The following ZNF462 variants were observed in gnomAD, a reference collection of about 807,000 sequenced individuals.
ZNF462 encodes the protein zinc finger protein 462.
Under a neutral mutation model 201.9 loss-of-function variants are expected in ZNF462, and 10 were observed. The ratio of observed to expected loss-of-function variants is 0.05; its 90% confidence interval spans 0.03 to 0.08. The LOEUF (loss-of-function observed/expected upper bound fraction) is 0.08. Among genes scored for constraint, ZNF462 ranks in the 10% least tolerant of loss-of-function variants. The pLI, the probability that ZNF462 is intolerant of heterozygous loss-of-function variation, is 1.00. For synonymous variants in ZNF462, 1,227 were observed against 1,193.3 expected (o/e 1.03, Z -0.58); for missense variants, 2,523 against 3,168.3 (o/e 0.80, Z 4.89).
Position 107,010,008 on chromosome 9 carries a change from T to C in ZNF462, c.7313+340T>C, listed in dbSNP as rs1822911531. ...TAGAACGTGAATCGAGGTCAAAAGA[T>C]CTGGCTTCTGTTCCTGCCTCTCTGA... On this transcript the variant is annotated intron_variant, in intron 12 of 12. Coordinates refer to ENST00000277225, the MANE Select transcript of ZNF462 (RefSeq NM_021224.6). This position sits in a 1 kb window ranked among gnomAD's most constrained non-coding sequence, Gnocchi z 4.6. Among the ~76,000 whole-genome samples, 3 of 152,294 alleles carry C rather than the reference T, an allele frequency of 2.0e-5. No homozygotes were observed. The highest frequency in any genetic ancestry group is 4.2e-4 in the South Asian group (2 of 4,818).
At position 106,929,682 on chromosome 9, in the gene ZNF462, C is replaced by T. The variant is rs1002618193; in HGVS notation, c.5770C>T (p.Arg1924Cys). ...HNEEFQKRAK[R>C]QERRKQLLSK... The stretch of plus-strand genomic sequence containing the variant: ...TGAGGAATTCCAGAAGCGTGCCAAA[C>T]GTCAGGAGAGGAGGAAACAGCTTTT... Residue 1924 changes from arginine (R) to cysteine (C), a missense_variant, in exon 3 of 13, where the codon CGT (arginine) becomes TGT (cysteine). Around this residue, in one of 15 missense-constraint regions of ZNF462, gnomAD observed 107 missense variants for 187.7 expected, o/e 0.57. Coordinates refer to ENST00000277225, the MANE Select transcript of ZNF462 (RefSeq NM_021224.6). The surrounding 1 kb of genome is among the most constrained non-coding windows in gnomAD (Gnocchi z 8.7). 3.7e-6 allele frequency: 6 copies of T among 1,613,992 alleles called. No homozygotes were observed. Among genetic ancestry groups the T allele is most frequent in the Non-Finnish European group, 5.1e-6 (6 of 1,180,040 alleles).
Position 106,928,223 on chromosome 9 carries a change from C to A in ZNF462, c.4311C>A (p.Phe1437Leu). 6.2e-7 allele frequency: 1 copy of A among 1,614,126 alleles called. No individual in the cohort carries two copies. The highest frequency in any genetic ancestry group is 8.5e-7 in the Non-Finnish European group (1 of 1,180,012). ...GTGAAAACAGTATACCCACCCCTTT[C>A]CCGGAGCAGGAAGCTGAATGTCCAG... is the stretch of plus-strand genomic sequence containing the variant. The part of the protein sequence containing the change: ...VNCENSIPTP[F>L]PEQEAECPED... Residue 1437 changes from phenylalanine to leucine, a missense_variant, in exon 3 of 13, where the codon TTC becomes TTA. Coordinates refer to ENST00000277225, the MANE Select transcript of ZNF462 (RefSeq NM_021224.6). The surrounding 1 kb of genome is among the most constrained non-coding windows in gnomAD (Gnocchi z 9.3).
Position 106,925,994 on chromosome 9 carries a change from C to G in ZNF462, c.2082C>G (p.Thr694=). 6.2e-7 allele frequency: 1 copy of G among 1,614,154 alleles called. No homozygotes were observed. The highest frequency in any genetic ancestry group is 1.7e-5 in the Admixed American group (1 of 60,014). The change falls in exon 3 of 13, where the codon ACC becomes ACG. Residue 694 remains threonine (T), a synonymous_variant. Transcript: ENST00000277225. This position sits in a 1 kb window ranked among gnomAD's most constrained non-coding sequence, Gnocchi z 7.9. ...ATTTGTCACCCGTGAAGAAGAGAAC[C>G]AGGATTGACGAGATAGCAAGCAACC... ...PLDLSPVKKR[T]RIDEIASNLQ...
At chr9:106,889,559 T>C (rs1025672752) in intron 1 of ZNF462, among the ~76,000 whole-genome samples, 1 of 152,218 alleles carries the variant, frequency 6.6e-6, no homozygotes, top group Non-Finnish European at 1.5e-5. Context: ...TTTCCTTGGT[T>C]AGTTGAAAAG....
In ZNF462 at chr9:106,955,076, G is replaced by A. The variant is rs1008559396; in HGVS notation, c.6427+15969G>A. Among the ~76,000 whole-genome samples, 22 of 152,158 alleles carry A rather than the reference G, an allele frequency of 1.4e-4. No homozygotes were observed. The East Asian group carries it at 4.3e-3, about 29-fold the overall frequency. On this transcript the variant is annotated intron_variant, in intron 7 of 12. Coordinates refer to ENST00000277225, the MANE Select transcript of ZNF462 (RefSeq NM_021224.6). ...ACTAACAACAGATAATGGACTCATG[G>A]GCATTTGTTTGATTGTTTGAGCACT...
At chr9:106,903,224 T>A (rs1015857571) in intron 1 of ZNF462, among the ~76,000 whole-genome samples, 6 of 152,182 alleles carry the variant, frequency 3.9e-5, no homozygotes, top group Non-Finnish European at 8.8e-5. Flanking sequence ...TTTCCATGTA[T>A]TTTCATGGTT....
intron 1 of ZNF462, among the ~76,000 whole-genome samples, chr9:106,864,101 T>TCTCTCTCTCC (rs1827209222): frequency 1.8e-5 from 2 of 110,234 alleles, no homozygotes; most frequent in Non-Finnish European, 3.8e-5. Flanking sequence ...TCTCTCTCTC[T>TCTCTCTCTCC]CTCTCTCTCC....
intron 1 of ZNF462, among the ~76,000 whole-genome samples, chr9:106,888,739 C>T (rs917999282): frequency 1.3e-5 from 2 of 152,152 alleles, no homozygotes; most frequent in African/African-American, 4.8e-5. Flanking sequence ...TCCTGGTGTT[C>T]AAAAGTGTTG....
At chr9:106,986,989 A>T (rs552317845) in intron 10 of ZNF462, among the ~76,000 whole-genome samples, 1 of 128,798 alleles carries the variant, frequency 7.8e-6, no homozygotes, top group Non-Finnish European at 1.7e-5. Context: ...AGATAGATAG[A>T]TAGATAGATA....
intron 1 of ZNF462, among the ~76,000 whole-genome samples, chr9:106,866,237 T>C (rs1827324135): frequency 6.6e-6 from 1 of 152,274 alleles, no homozygotes; most frequent in Non-Finnish European, 1.5e-5. Flanking sequence ...TTTCTCATTA[T>C]GTGTCAGATT....
intron 7 of ZNF462, among the ~76,000 whole-genome samples, chr9:106,957,349 A>G (rs1270070137): frequency 6.6e-6 from 1 of 152,146 alleles, no homozygotes; most frequent in Non-Finnish European, 1.5e-5. Flanking sequence ...TGCATCTTAC[A>G]TAGGCATGGT....
chr9:107,003,323 G>A lies in ZNF462; in HGVS notation c.7086G>A (p.Arg2362=). The change falls in exon 11 of 13, where the codon CGG becomes CGA. Residue 2362 remains arginine (R), a synonymous_variant. Transcript: ENST00000277225. This position sits in a 1 kb window ranked among gnomAD's most constrained non-coding sequence, Gnocchi z 4.4. ...KVSRNFELVG[R]VNLDQLEQMK... is the part of the protein sequence containing the mutation. ...GCCGTAACTTTGAGCTGGTTGGACG[G>A]GTTAACTTGGATCAGCTGGAACAGA... The A allele has an allele frequency of 6.2e-7, 1 of 1,613,830 alleles. No individual in the cohort carries two copies. Among genetic ancestry groups the A allele is most frequent in the East Asian group, 2.2e-5 (1 of 44,870 alleles).
rs1409223377 is a variant in ZNF462 at position 106,935,254 on chromosome 9, C to A, written c.6117-249C>A. Among the ~76,000 whole-genome samples the A allele has an allele frequency of 6.6e-6, 1 of 151,998 alleles. No individual in the cohort carries two copies. The highest frequency in any genetic ancestry group is 2.4e-5 in the African/African-American group (1 of 41,292). On this transcript the variant is annotated intron_variant, in intron 5 of 12. Coordinates refer to ENST00000277225, the MANE Select transcript of ZNF462 (RefSeq NM_021224.6). The surrounding 1 kb of genome is among the most constrained non-coding windows in gnomAD (Gnocchi z 4.1). ...GGGACAATAAAGATTCTTACCATGA[C>A]CTGTTACCACTGCCATATCTCTAAA...
chr9:106,974,397 A>G lies in ZNF462; in HGVS notation c.6832+124A>G, dbSNP rs767147611. ...CTTGTTCCTCACCTTATCTTCAGGC[A>G]AGAAACCACAGTGATAACCACAGTG... On this transcript the variant is annotated intron_variant, in intron 9 of 12. Coordinates refer to ENST00000277225, the MANE Select transcript of ZNF462 (RefSeq NM_021224.6). The surrounding 1 kb of genome is among the most constrained non-coding windows in gnomAD (Gnocchi z 4.0). The G allele has an allele frequency of 4.2e-6, 6 of 1,442,988 alleles. No individual in the cohort carries two copies. The African/African-American group carries it at 8.4e-5, about 20-fold the overall frequency. The allele number at this position is 1,442,988 out of a possible 1,614,324, so 89.4% of individuals were successfully genotyped here. A position where few individuals can be genotyped will look rare whatever the true frequency, so the allele number is the denominator to read the frequency against.
chr9:106,872,615 G>A lies in ZNF462; in HGVS notation c.-31+9260G>A, dbSNP rs1439380435. Reference sequence around the variant, plus strand: ...TGAGCTCAGGCAATCTGCCTGCCTCGGCCTTCCAAAGTGCTACGACTACAG... The same window carrying A: ...TGAGCTCAGGCAATCTGCCTGCCTCAGCCTTCCAAAGTGCTACGACTACAG... On this transcript the variant is annotated intron_variant, in intron 1 of 12. Coordinates refer to ENST00000277225, the MANE Select transcript of ZNF462 (RefSeq NM_021224.6). The surrounding 1 kb of genome is among the most constrained non-coding windows in gnomAD (Gnocchi z 4.5). 6.6e-6 allele frequency among the ~76,000 whole-genome samples: 1 copy of A among 152,012 alleles called. No individual in the cohort carries two copies. Among genetic ancestry groups the A allele is most frequent in the African/African-American group, 2.4e-5 (1 of 41,376 alleles).
chr9:106,887,436 C>G (rs1828369727), intron 1 of ZNF462, among the ~76,000 whole-genome samples: 1 of 152,324 alleles, frequency 6.6e-6, no homozygotes, highest in African/African-American at 2.4e-5. Context: ...CAGAGCCCAA[C>G]TGGAACCTTG....
chr9:106,982,512 A>C (rs896054681), intron 9 of ZNF462, among the ~76,000 whole-genome samples: 2 of 152,218 alleles, frequency 1.3e-5, no homozygotes, highest in Non-Finnish European at 2.9e-5. Flanking sequence ...ACACCAAACC[A>C]TACAACTGAA....
In ZNF462 at chr9:106,938,877, C is replaced by G. The variant is rs1004958465; in HGVS notation, c.6236-39C>G. The G allele has an allele frequency of 6.4e-7, 1 of 1,561,542 alleles. No homozygotes were observed. The highest frequency in any genetic ancestry group is 2.3e-5 in the East Asian group (1 of 44,178). ...CCCTGGCCTTATACCCTTCTCCCCT[C>G]TTTTTCCTGTTCTATTTCTTGTCAC... On this transcript the variant is annotated intron_variant, in intron 6 of 12. Transcript: ENST00000277225. The surrounding 1 kb of genome is among the most constrained non-coding windows in gnomAD (Gnocchi z 4.4).
chr9:106,875,162 C>G lies in ZNF462; in HGVS notation c.-31+11807C>G, dbSNP rs370238708. On this transcript the variant is annotated intron_variant, in intron 1 of 12. Coordinates refer to ENST00000277225, the MANE Select transcript of ZNF462 (RefSeq NM_021224.6). ...TCCAATGTGCTTCTGCCTGTTCTTT[C>G]TTCCCCTCTTGCCCCCTTTCCATGA... 1.1e-4 allele frequency among the ~76,000 whole-genome samples: 16 copies of G among 152,306 alleles called. No homozygotes were observed. In the East Asian group the frequency reaches 1.4e-3, roughly 13 times the overall value.
Sources: allele counts gnomAD v4.1 joint callset (sites outside exome capture counted in the v4.1 genomes callset), GRCh38; gene constraint gnomAD v4.1.1; regional missense constraint gnomAD v4.1.1; non-coding constraint Gnocchi (gnomAD v3.1); transcripts MANE v1.5; gene names NCBI Gene and HGNC (gene_info 2026-07-23, HGNC 2026-07-21).